Variants in LRRC7 observed in about 807,000 individuals in gnomAD.
LRRC7 encodes the protein leucine rich repeat containing 7.
In LRRC7, 23 loss-of-function variants were observed where a neutral mutation model predicts 175.7. The observed-to-expected ratio is 0.13, with a 90% CI of 0.09 to 0.19. The LOEUF is 0.19. Ranked by LOEUF, LRRC7 falls within the 10% of genes least tolerant of loss-of-function variation. The probability of loss-of-function intolerance (pLI) is 1.00; values close to 1 mark genes in which losing one functional copy is unlikely to be tolerated. For synonymous variants in LRRC7, 685 were observed against 680.9 expected, an observed-to-expected ratio of 1.01 and a Z score of -0.09; for missense variants, 1,354 against 1,904.7, an observed-to-expected ratio of 0.71 and a Z score of 5.38.
intron 13 of LRRC7, among the ~76,000 whole-genome samples, chr1:70,013,723 G>A (rs1204355455): frequency 6.6e-6 from 1 of 151,784 alleles, no homozygotes; most frequent in Non-Finnish European, 1.5e-5. Context: ...AAATAGGAAA[G>A]GATAAGAACA....
chr1:70,082,497 A>G (rs186878889), intron 24 of LRRC7, among the ~76,000 whole-genome samples: 2 of 152,276 alleles, frequency 1.3e-5, no homozygotes, highest in Admixed American at 1.3e-4. Flanking sequence ...AATTCTATCA[A>G]TTGACTTTAT....
chr1:69,864,809 C>A (rs1383888343), intron 7 of LRRC7, among the ~76,000 whole-genome samples: 1 of 152,132 alleles, frequency 6.6e-6, no homozygotes, highest in Non-Finnish European at 1.5e-5. Context: ...AATACCCTAT[C>A]ATGTATTAAG....
At chr1:69,817,157 T>C (rs1206680434) in intron 4 of LRRC7, among the ~76,000 whole-genome samples, 1 of 152,042 alleles carries the variant, frequency 6.6e-6, no homozygotes, top group African/African-American at 2.4e-5. Context: ...TGGTGTCACA[T>C]TCAAAAAAAC....
rs1257493427 is a variant in LRRC7, at chr1:69,799,720, G to A, written c.421+7560G>A. On this transcript the variant is annotated intron_variant, in intron 4 of 26. Coordinates refer to ENST00000651989, the MANE Select transcript of LRRC7 (RefSeq NM_001370785.2). ...TTGATTATTTATTTGACTGTACAGA[G>A]GCTTTTTAGTTTAATTGTCTCAATG... Among the ~76,000 whole-genome samples the A allele has an allele frequency of 4.6e-5, 7 of 152,014 alleles. No individual in the cohort carries two copies. The East Asian group carries it at 1.3e-3, about 29-fold the overall frequency.
chr1:70,109,511 G>A (rs544516810), intron 26 of LRRC7, among the ~76,000 whole-genome samples: 4 of 152,282 alleles, frequency 2.6e-5, no homozygotes, highest in African/African-American at 9.6e-5. Flanking sequence ...TTTTGAGCTA[G>A]AGCTGAGAAA....
chr1:69,815,190 A>C (rs958412170), intron 4 of LRRC7, among the ~76,000 whole-genome samples: 1 of 152,068 alleles, frequency 6.6e-6, no homozygotes, highest in Non-Finnish European at 1.5e-5. Context: ...CTTATGTTGG[A>C]CCATCTGGTT....
intron 22 of LRRC7, among the ~76,000 whole-genome samples, chr1:70,051,608 A>C (rs946202225): frequency 2.0e-5 from 3 of 151,856 alleles, no homozygotes; most frequent in African/African-American, 7.2e-5. Flanking sequence ...AAATAAACAC[A>C]CACCAATTCA....
At chr1:69,728,169 G>T (rs535960174) in intron 2 of LRRC7, among the ~76,000 whole-genome samples, 1 of 152,068 alleles carries the variant, frequency 6.6e-6, no homozygotes, top group African/African-American at 2.4e-5. Context: ...TTAGTGACAG[G>T]TTTTCTGGAA....
At chr1:69,855,510 T>C (rs1435981252) in intron 7 of LRRC7, among the ~76,000 whole-genome samples, 1 of 152,162 alleles carries the variant, frequency 6.6e-6, no homozygotes, top group African/African-American at 2.4e-5. Context: ...ATAATTTCTG[T>C]TCTTTTACAT....
chr1:69,677,106 T>C (rs1249194782), intron 1 of LRRC7, among the ~76,000 whole-genome samples: 1 of 144,560 alleles, frequency 6.9e-6, no homozygotes, highest in African/African-American at 2.5e-5. Flanking sequence ...CTGAACATTA[T>C]TTCATCCTTT....
chr1:69,885,664 G>C (rs1687112241), intron 7 of LRRC7, among the ~76,000 whole-genome samples: 1 of 118,948 alleles, frequency 8.4e-6, no homozygotes. Context: ...GCTAGCTTTT[G>C]AATGTGTTTG....
intron 4 of LRRC7, among the ~76,000 whole-genome samples, chr1:69,794,507 T>A (rs898071902): frequency 3.9e-5 from 6 of 152,244 alleles, no homozygotes; most frequent in Non-Finnish European, 8.8e-5. Context: ...TACCTATTTG[T>A]ATAGATTTGT....
chr1:69,571,806 G>C (rs1645749238), intron 1 of LRRC7, among the ~76,000 whole-genome samples: 1 of 152,148 alleles, frequency 6.6e-6, no homozygotes, highest in Non-Finnish European at 1.5e-5. Flanking sequence ...TACACGAAGA[G>C]TAACCAATTA....
intron 4 of LRRC7, among the ~76,000 whole-genome samples, chr1:69,810,965 C>T (rs1435217377): frequency 1.3e-5 from 2 of 152,024 alleles, no homozygotes; most frequent in African/African-American, 4.8e-5. Context: ...GCAAAAGAAA[C>T]TATCATCAGA....
At chr1:69,838,055 C>T (rs1681315272) in intron 6 of LRRC7, among the ~76,000 whole-genome samples, 172 bp from the exon 7 acceptor site, 1 of 151,558 alleles carries the variant, frequency 6.6e-6, no homozygotes, top group Admixed American at 6.6e-5. Context: ...TCACTTCAAG[C>T]TTTTATCATT....
chr1:70,039,336 A>C lies in LRRC7; in HGVS notation c.3512A>C (p.Glu1171Ala). Residue 1171 changes from glutamate to alanine, a missense_variant, in exon 21 of 27, where the codon GAG becomes GCG. Glu to Ala is a moderately radical substitution (Grantham distance 107). This residue lies in a region of LRRC7 where 1,032 missense variants were observed against 1,227.2 expected (regional missense o/e 0.84). Transcript: ENST00000651989. ...TEMAMFRRVN[E>A]PHELPPTDRY... ...ATGGCCATGTTTAGAAGGGTCAATG[A>C]GCCTCATGAGCTGCCCCCAACTGAT... 6.2e-7 allele frequency: 1 copy of C among 1,614,038 alleles called. No homozygotes were observed. Among genetic ancestry groups the C allele is most frequent in the Non-Finnish European group, 8.5e-7 (1 of 1,180,002 alleles).
chr1:69,895,512 T>C (rs1645955023), intron 7 of LRRC7, among the ~76,000 whole-genome samples: 1 of 152,154 alleles, frequency 6.6e-6, no homozygotes, highest in South Asian at 2.1e-4. Flanking sequence ...AGTTTTGAAA[T>C]ATATACATAC....
intron 3 of LRRC7, among the ~76,000 whole-genome samples, chr1:69,773,785 T>A (rs1447890341): frequency 6.6e-6 from 1 of 152,156 alleles, no homozygotes. Context: ...CCCTGCCCAA[T>A]AGGTTTTGTT....
chr1:69,999,493 G>A (rs140328340), intron 11 of LRRC7, among the ~76,000 whole-genome samples: 2 of 152,266 alleles, frequency 1.3e-5, no homozygotes, highest in South Asian at 2.1e-4. Context: ...TGAAAGACCC[G>A]ATAAAACTTT....
Sources: allele counts gnomAD v4.1 joint callset (sites outside exome capture counted in the v4.1 genomes callset), GRCh38; gene constraint gnomAD v4.1.1; regional missense constraint gnomAD v4.1.1; transcripts MANE v1.5; gene names NCBI Gene and HGNC (gene_info 2026-07-23, HGNC 2026-07-21).